TIPARP: variants seen among roughly 807,000 people sequenced by gnomAD.
TIPARP encodes the protein protein mono-ADP-ribosyltransferase TIPARP.
A neutral mutation model predicts 56.5 loss-of-function variants in TIPARP; 12 were observed. That is an observed-to-expected ratio of 0.21 (90% CI 0.14 to 0.34). The LOEUF (loss-of-function observed/expected upper bound fraction) is 0.34. TIPARP is among the 10% of genes least tolerant of loss of function. The pLI is 1.00. For synonymous variants in TIPARP, 296 were observed against 265.7 expected (o/e 1.11, Z -1.11); for missense variants, 604 against 781.6 (o/e 0.77, Z 2.71).
chr3:156,676,650 GATT>G (rs1280719857), intron 1 of TIPARP: 1 of 152,042 alleles, frequency 6.6e-6, no homozygotes, highest in South Asian at 2.1e-4. Context: ...GAGAGAAGAG[GATT>G]AATTGCTCAT....
intron 3 of TIPARP, among the ~76,000 whole-genome samples, chr3:156,694,696 C>T (rs1722667870): frequency 6.6e-6 from 1 of 152,174 alleles, no homozygotes; most frequent in Non-Finnish European, 1.5e-5. Context: ...GCACTTGCAT[C>T]CTTAGTCTGA....
intron 1 of TIPARP, chr3:156,675,180 G>GC (rs999568918): frequency 8.0e-4 from 121 of 152,170 alleles, no homozygotes; most frequent in African/African-American, 2.5e-3. Context: ...CCAGACCCCG[G>GC]GGGGGAGGGC....
At chr3:156,699,879 A>C (rs1722804716) in intron 4 of TIPARP, among the ~76,000 whole-genome samples, 1 of 152,196 alleles carries the variant, frequency 6.6e-6, no homozygotes, top group Admixed American at 6.5e-5. Context: ...AGAAATAGCC[A>C]GTCCACCAGG....
At chr3:156,700,898 T>C (rs1417826742) in intron 4 of TIPARP, among the ~76,000 whole-genome samples, 1 of 152,220 alleles carries the variant, frequency 6.6e-6, no homozygotes, top group East Asian at 1.9e-4. Context: ...TTTGACTCCC[T>C]CTCTAGAGAA....
intron 2 of TIPARP, 117 bp downstream of exon 2, chr3:156,678,731 A>G (rs1370694842): frequency 6.8e-6 from 6 of 881,528 alleles, no homozygotes; most frequent in Non-Finnish European, 8.4e-6. Flanking sequence ...TTTTTCCACT[A>G]TTATTCTTTT....
chr3:156,703,396 C>A (rs866160234), intron 4 of TIPARP, 28 bp from the exon 5 acceptor site: 1 of 1,608,508 alleles, frequency 6.2e-7, no homozygotes. Flanking sequence ...TAATGTTTTA[C>A]ATTGATGTTT....
chr3:156,700,447 T>A (rs1279576223), intron 4 of TIPARP, among the ~76,000 whole-genome samples: 3 of 151,856 alleles, frequency 2.0e-5, no homozygotes, highest in African/African-American at 4.8e-5. Flanking sequence ...AAAAAAAAAA[T>A]AGGTGTTAAA....
chr3:156,680,497 G>A (rs952346014), intron 2 of TIPARP, among the ~76,000 whole-genome samples: 7 of 152,024 alleles, frequency 4.6e-5, no homozygotes, highest in East Asian at 1.9e-4. Flanking sequence ...GCAGAACAGC[G>A]GCTCCCACTT....
At position 156,705,123 on chromosome 3, in the gene TIPARP, T is replaced by A. The variant is rs138664121; in HGVS notation, c.1966T>A (p.Ser656Thr). 7 of 1,472,662 alleles carry A rather than the reference T, an allele frequency of 4.8e-6. No homozygotes were observed. Among genetic ancestry groups the A allele is most frequent in the Non-Finnish European group, 6.4e-6 (7 of 1,098,174 alleles). The allele number at this position is 1,472,662 out of a possible 1,614,324, so 91.2% of individuals were successfully genotyped here. The change falls in exon 6 of 6, where the codon TCC becomes ACC. Residue 656 changes from serine to threonine, a missense_variant. Around this residue, in one of 4 missense-constraint regions of TIPARP, gnomAD observed 77 missense variants for 161.0 expected, o/e 0.48. Coordinates refer to ENST00000295924, the MANE Select transcript of TIPARP (RefSeq NM_015508.5). Reference protein sequence around the residue: ...IQYEEVSNTVSI With the variant: ...IQYEEVSNTVTI ...ATATGAAGAAGTCAGTAACACTGTT[T>A]CCATTTGAAAAATCTTGGTACTGCT... is the stretch of plus-strand genomic sequence containing the variant.
Position 156,706,727 on chromosome 3 carries a change from T to A in TIPARP, c.*1596T>A, listed in dbSNP as rs960551407. Reference sequence around the variant, plus strand: ...AAGCTTTATGACATATTTATTTTTTTAATAAAACTAAGCAAAAATAAAACT... The same window carrying A: ...AAGCTTTATGACATATTTATTTTTTAAATAAAACTAAGCAAAAATAAAACT... On this transcript the variant is annotated 3_prime_UTR_variant, in exon 6 of 6. Transcript: ENST00000295924. 1 of 152,666 alleles carries A rather than the reference T, an allele frequency of 6.6e-6. No individual in the cohort carries two copies. Among genetic ancestry groups the A allele is most frequent in the Non-Finnish European group, 1.5e-5 (1 of 68,046 alleles). 9.5% of individuals were successfully genotyped at this position (152,666 alleles called of 1,614,324 possible).
intron 2 of TIPARP, among the ~76,000 whole-genome samples, chr3:156,692,552 A>T (rs764879955): frequency 3.3e-5 from 5 of 152,102 alleles, no homozygotes; most frequent in Non-Finnish European, 7.4e-5. Context: ...TACTCTTACT[A>T]AGCAAGAAGT....
In TIPARP at chr3:156,677,652, C is replaced by T. The variant is rs770847375; in HGVS notation, c.-41-5C>T. ...AAATGATCATCTTCCTTCCTTTCCT[C>T]GTAGGATTTTTAGACTCTGAGGAGC... On this transcript the variant is annotated splice_region_variant and splice_polypyrimidine_tract_variant and intron_variant, in intron 1 of 5. Coordinates refer to ENST00000295924, the MANE Select transcript of TIPARP (RefSeq NM_015508.5). 53 of 1,493,780 alleles carry T rather than the reference C, an allele frequency of 3.5e-5. No individual in the cohort carries two copies. The highest frequency in any genetic ancestry group is 4.3e-5 in the Non-Finnish European group (48 of 1,118,696). 92.5% of individuals were successfully genotyped at this position (1,493,780 alleles called of 1,614,324 possible).
Position 156,702,087 on chromosome 3 carries a change from G to GTGGTGGTGA in TIPARP, c.1248-1328_1248-1320dup, listed in dbSNP as rs1378697100. 9.7e-4 allele frequency among the ~76,000 whole-genome samples: 146 copies of GTGGTGGTGA among 150,160 alleles called. 2 individuals are homozygous for GTGGTGGTGA. The highest frequency in any genetic ancestry group is 3.5e-3 in the African/African-American group (143 of 40,760). On this transcript the variant is annotated intron_variant, in intron 4 of 5. Transcript: ENST00000295924. Reference sequence around the variant, plus strand: ...GGTGGTGGTGGTTGTGGTGGTGGTGGTGGTGGTGATGGTGGTGTCAGGCAA... The same window carrying GTGGTGGTGA: ...GGTGGTGGTGGTTGTGGTGGTGGTGGTGGTGGTGATGGTGGTGATGGTGGTGTCAGGCAA...
chr3:156,674,997 A>T (rs139924415), intron 1 of TIPARP: 2 of 152,452 alleles, frequency 1.3e-5, no homozygotes, highest in African/African-American at 4.8e-5. Flanking sequence ...ATTGGTTTAC[A>T]CTTCTTAGGC....
chr3:156,694,749 A>ATG (rs1368163176), intron 3 of TIPARP, among the ~76,000 whole-genome samples: 1 of 152,218 alleles, frequency 6.6e-6, no homozygotes, highest in East Asian at 1.9e-4. Flanking sequence ...AGGTTTTAAA[A>ATG]TGATGATGGT....
At chr3:156,692,567 G>A (rs974409314) in intron 2 of TIPARP, among the ~76,000 whole-genome samples, 4 of 151,904 alleles carry the variant, frequency 2.6e-5, no homozygotes, top group Non-Finnish European at 5.9e-5. Flanking sequence ...AGAAGTTTGG[G>A]GTTTATTGGC....
At chr3:156,677,234 G>A (rs1000186877) in intron 1 of TIPARP, among the ~76,000 whole-genome samples, 1 of 152,164 alleles carries the variant, frequency 6.6e-6, no homozygotes, top group Non-Finnish European at 1.5e-5. Context: ...CAACTCATGA[G>A]ATAGGTGATA....
chr3:156,677,991 A>G lies in TIPARP; in HGVS notation c.294A>G (p.Ser98=). 1.2e-6 allele frequency: 2 copies of G among 1,614,168 alleles called. No homozygotes were observed. The highest frequency in any genetic ancestry group is 1.1e-5 in the South Asian group (1 of 91,090). The part of the protein sequence containing the change: ...PMMKKAMEIN[S]SCPPAENNMS... The stretch of plus-strand genomic sequence containing the variant: ...TGAAGAAAGCCATGGAAATCAATTC[A>G]TCATGCCCACCAGCAGAAAATAATA... The change falls in exon 2 of 6, where the codon TCA becomes TCG. Residue 98 remains serine (S), a synonymous_variant. Coordinates refer to ENST00000295924, the MANE Select transcript of TIPARP (RefSeq NM_015508.5).
At chr3:156,701,494 C>A (rs950241641) in intron 4 of TIPARP, among the ~76,000 whole-genome samples, 2 of 152,118 alleles carry the variant, frequency 1.3e-5, no homozygotes, top group African/African-American at 4.8e-5. Flanking sequence ...TGGGGACTTA[C>A]CCTTTTCTTT....
Sources: gnomAD v4.1 joint callset for allele counts (sites outside exome capture counted in the v4.1 genomes callset) on GRCh38, gnomAD v4.1.1 for gene constraint, gnomAD v4.1.1 regional missense constraint, MANE v1.5 for transcripts, NCBI Gene and HGNC (gene_info 2026-07-23, HGNC 2026-07-21) for gene names.